The following KDM1B variants were observed in gnomAD, a reference collection of about 807,000 sequenced individuals.
The protein encoded by KDM1B is lysine demethylase 1B.
Under a neutral mutation model 107.4 loss-of-function variants are expected in KDM1B, and 63 were observed. That is an observed-to-expected ratio of 0.59 (90% CI 0.48 to 0.72). The LOEUF (loss-of-function observed/expected upper bound fraction) is 0.72, where lower values mean the gene tolerates loss of function less well. KDM1B is among the 30% of genes least tolerant of loss of function. The pLI is 0.00. For synonymous variants in KDM1B, 363 were observed against 363.9 expected, an observed-to-expected ratio of 1.00 and a Z score of 0.03; for missense variants, 749 against 1,020.8, an observed-to-expected ratio of 0.73 and a Z score of 3.63.
In KDM1B at chr6:18,162,967, C is replaced by A; in HGVS notation, c.305+43C>A. On this transcript the variant is annotated intron_variant, in intron 5 of 21. Transcript: ENST00000650836. This position sits in a 1 kb window ranked among gnomAD's most constrained non-coding sequence, Gnocchi z 4.1. The stretch of plus-strand genomic sequence containing the variant: ...GTGAGGTTTCCCTGGAGAAGGGGAC[C>A]GTGGCAGGGGCAGTGCGTGTGGTCA... The A allele has an allele frequency of 8.3e-7, 1 of 1,210,790 alleles. No homozygotes were observed. Among genetic ancestry groups the A allele is most frequent in the Non-Finnish European group, 1.2e-6 (1 of 812,056 alleles). 75.0% of individuals were successfully genotyped at this position (1,210,790 alleles called of 1,614,324 possible).
intron 7 of KDM1B, among the ~76,000 whole-genome samples, chr6:18,178,897 T>A (rs1222849786): frequency 2.6e-5 from 4 of 152,200 alleles, no homozygotes; most frequent in Admixed American, 2.6e-4. Context: ...CTTCTCAGTC[T>A]TTTTGCCCTT....
At position 18,217,970 on chromosome 6, in the gene KDM1B, C is replaced by G. The variant is rs897853755; in HGVS notation, c.2385+85C>G. On this transcript the variant is annotated intron_variant, in intron 21 of 21. Transcript: ENST00000650836. Reference sequence around the variant, plus strand: ...ATGATATCTGCCCAGAGTTTAAAAACCAATTCAAATACTGTCAAAAGTCTT... The same window carrying G: ...ATGATATCTGCCCAGAGTTTAAAAAGCAATTCAAATACTGTCAAAAGTCTT... 2.1e-6 allele frequency: 3 copies of G among 1,420,248 alleles called. No homozygotes were observed. The African/African-American group carries it at 4.3e-5, about 20-fold the overall frequency. The allele number at this position is 1,420,248 out of a possible 1,614,324, so 88.0% of individuals were successfully genotyped here.
At position 18,201,492 on chromosome 6, in the gene KDM1B, A is replaced by C; in HGVS notation, c.1366A>C (p.Ile456Leu). The C allele has an allele frequency of 1.3e-6, 2 of 1,547,586 alleles. No individual in the cohort carries two copies. Among genetic ancestry groups the C allele is most frequent in the Non-Finnish European group, 1.7e-6 (2 of 1,145,986 alleles). The change falls in exon 14 of 22, where the codon ATC (isoleucine) becomes CTC (leucine). Residue 456 changes from isoleucine (I) to leucine (L), a missense_variant. By Grantham distance (5) the Ile-to-Leu change is conservative (BLOSUM62 2). Coordinates refer to ENST00000650836, the MANE Select transcript of KDM1B (RefSeq NM_001364614.2). This position sits in a 1 kb window ranked among gnomAD's most constrained non-coding sequence, Gnocchi z 4.3. ...TATTCTTATTATTTTGAAGCTTGGCATCAGCATGCATAAATTTGGAGAAAG... is the reference window on the plus strand; with the variant it reads ...TATTCTTATTATTTTGAAGCTTGGCCTCAGCATGCATAAATTTGGAGAAAG... Reference protein sequence around the residue: ...PVALMCEQLGISMHKFGERCD... With the variant: ...PVALMCEQLGLSMHKFGERCD...
chr6:18,214,985 G>A lies in KDM1B; in HGVS notation c.2110-22G>A. The A allele has an allele frequency of 6.2e-7, 1 of 1,612,698 alleles. No homozygotes were observed. The highest frequency in any genetic ancestry group is 8.5e-7 in the Non-Finnish European group (1 of 1,179,360). Reference sequence around the variant, plus strand: ...GGAGCTGAGCACTCACAGACCTCCTGCTTTTCCTTTCATGTCTCCAGAAGA... The same window carrying A: ...GGAGCTGAGCACTCACAGACCTCCTACTTTTCCTTTCATGTCTCCAGAAGA... On this transcript the variant is annotated intron_variant, in intron 19 of 21. Coordinates refer to ENST00000650836, the MANE Select transcript of KDM1B (RefSeq NM_001364614.2). The surrounding 1 kb of genome is among the most constrained non-coding windows in gnomAD (Gnocchi z 4.4).
rs180889491 is a variant in KDM1B, at chr6:18,178,306, G to A, written c.534+6827G>A. On this transcript the variant is annotated intron_variant, in intron 7 of 21. Coordinates refer to ENST00000650836, the MANE Select transcript of KDM1B (RefSeq NM_001364614.2). The stretch of plus-strand genomic sequence containing the variant: ...TCACCACATTGGCCAGGCTGGTCTC[G>A]AACTCCTGAACTCAGGTGATCTGCC... 3.0e-4 allele frequency among the ~76,000 whole-genome samples: 45 copies of A among 152,136 alleles called. No homozygotes were observed. The East Asian group carries it at 7.5e-3, about 25-fold the overall frequency.
Position 18,172,254 on chromosome 6 carries a change from C to T in KDM1B, c.534+775C>T, listed in dbSNP as rs188317537. Among the ~76,000 whole-genome samples the T allele has an allele frequency of 4.6e-5, 7 of 152,142 alleles. No individual in the cohort carries two copies. The highest frequency in any genetic ancestry group is 3.9e-4 in the East Asian group (2 of 5,168). ...AAAACCTATTATTATTGCTTTAGTG[C>T]GTTAAGGGTGTTAGTCTACACAAAT... On this transcript the variant is annotated intron_variant, in intron 7 of 21. Coordinates refer to ENST00000650836, the MANE Select transcript of KDM1B (RefSeq NM_001364614.2). This position sits in a 1 kb window ranked among gnomAD's most constrained non-coding sequence, Gnocchi z 5.2.
Position 18,213,815 on chromosome 6 carries a change from C to A in KDM1B, c.2109+34C>A. 6.2e-7 allele frequency: 1 copy of A among 1,611,674 alleles called. No individual in the cohort carries two copies. Among genetic ancestry groups the A allele is most frequent in the South Asian group, 1.1e-5 (1 of 90,942 alleles). On this transcript the variant is annotated intron_variant, in intron 19 of 21. Transcript: ENST00000650836. The surrounding 1 kb of genome is among the most constrained non-coding windows in gnomAD (Gnocchi z 5.9). ...ATTCGTGAACTGTGGTTTGAATTTCCGTCTTAAAGTTTAGAATTTGATGTG... is the reference window on the plus strand; with the variant it reads ...ATTCGTGAACTGTGGTTTGAATTTCAGTCTTAAAGTTTAGAATTTGATGTG...
intron 7 of KDM1B, among the ~76,000 whole-genome samples, chr6:18,174,194 T>C (rs1029295556): frequency 2.6e-5 from 4 of 152,230 alleles, no homozygotes; most frequent in Non-Finnish European, 2.9e-5. Flanking sequence ...TCATGATTAT[T>C]GTATCTGTAT....
chr6:18,171,269 A>G (rs1286454080), intron 6 of KDM1B, 94 bp from the exon 7 acceptor site: 2 of 766,316 alleles, frequency 2.6e-6, no homozygotes, highest in South Asian at 2.8e-5. Flanking sequence ...TAGGATTGCT[A>G]ACAGGTTGGA....
At chr6:18,210,655 C>T (rs1255434512) in intron 17 of KDM1B, among the ~76,000 whole-genome samples, 1 of 152,024 alleles carries the variant, frequency 6.6e-6, no homozygotes, top group East Asian at 1.9e-4. Context: ...GCCACTGCAC[C>T]TGGGCTACTC....
intron 10 of KDM1B, among the ~76,000 whole-genome samples, chr6:18,193,298 CTTTTTTTTTTTT>C (rs61133563): frequency 2.2e-5 from 2 of 90,080 alleles, no homozygotes; most frequent in Non-Finnish European, 4.4e-5. Flanking sequence ...TGTGTGCTTT[CTTTTTTTTTTTT>C]TTTTTTTTTT....
rs928158977 is a variant in KDM1B at position 18,186,284 on chromosome 6, C to G, written c.573+474C>G. On this transcript the variant is annotated intron_variant, in intron 8 of 21. Transcript: ENST00000650836. This position sits in a 1 kb window ranked among gnomAD's most constrained non-coding sequence, Gnocchi z 5.6. Reference sequence around the variant, plus strand: ...AGATATGGCAGGGGGAGCAGTACTTCCAGCTGGCAAAGCTGGTCACATTTC... The same window carrying G: ...AGATATGGCAGGGGGAGCAGTACTTGCAGCTGGCAAAGCTGGTCACATTTC... Among the ~76,000 whole-genome samples, 2 of 152,156 alleles carry G rather than the reference C, an allele frequency of 1.3e-5. No homozygotes were observed. The highest frequency in any genetic ancestry group is 4.8e-5 in the African/African-American group (2 of 41,426).
At chr6:18,190,186 A>G (rs563297396) in intron 9 of KDM1B, among the ~76,000 whole-genome samples, 19 of 152,134 alleles carry the variant, frequency 1.2e-4, no homozygotes, top group Non-Finnish European at 2.4e-4. Flanking sequence ...ACGTACCTCC[A>G]TGAGGAGTGG....
intron 12 of KDM1B, among the ~76,000 whole-genome samples, chr6:18,198,488 C>CA (rs987655477): frequency 1.3e-5 from 2 of 151,858 alleles, no homozygotes; most frequent in African/African-American, 2.4e-5. Context: ...CTTGGCCTCC[C>CA]AAAGTGCTGG....
chr6:18,195,814 A>C (rs1395944784), intron 10 of KDM1B, among the ~76,000 whole-genome samples: 1 of 151,976 alleles, frequency 6.6e-6, no homozygotes, highest in Non-Finnish European at 1.5e-5. Flanking sequence ...GCCTTACATC[A>C]TATAGTTACC....
chr6:18,203,921 GT>G lies in KDM1B; in HGVS notation c.1532-1611del, dbSNP rs1343226504. On this transcript the variant is annotated intron_variant, in intron 14 of 21. Transcript: ENST00000650836. The surrounding 1 kb of genome is among the most constrained non-coding windows in gnomAD (Gnocchi z 5.5). ...TTTATACACTATCTTAGCAATCTTG[GT>G]TTTTCTCCCCGCCGCCTCCACAAAA... Among the ~76,000 whole-genome samples, 2 of 151,490 alleles carry G rather than the reference GT, an allele frequency of 1.3e-5. No homozygotes were observed. The highest frequency in any genetic ancestry group is 4.9e-5 in the African/African-American group (2 of 41,212).
Position 18,186,688 on chromosome 6 carries a change from C to T in KDM1B, c.573+878C>T, listed in dbSNP as rs1321675772. Among the ~76,000 whole-genome samples, 1 of 152,008 alleles carries T rather than the reference C, an allele frequency of 6.6e-6. No homozygotes were observed. The highest frequency in any genetic ancestry group is 1.5e-5 in the Non-Finnish European group (1 of 68,010). ...TCACAGTTCTGCATGGCTGGGGAGG[C>T]CTCAGGAAACTTAGAATCATGGCAG... On this transcript the variant is annotated intron_variant, in intron 8 of 21. Coordinates refer to ENST00000650836, the MANE Select transcript of KDM1B (RefSeq NM_001364614.2). This position sits in a 1 kb window ranked among gnomAD's most constrained non-coding sequence, Gnocchi z 5.6.
chr6:18,179,838 T>A (rs527979728), intron 7 of KDM1B, among the ~76,000 whole-genome samples: 72,035 of 84,684 alleles, frequency 0.85, 33,486 homozygotes, highest in Non-Finnish European at 0.88. Context: ...AATTTAGCAT[T>A]GGTTTTTTTT....
At chr6:18,194,616 T>G (rs770722744) in intron 10 of KDM1B, among the ~76,000 whole-genome samples, 13 of 152,236 alleles carry the variant, frequency 8.5e-5, no homozygotes, top group Non-Finnish European at 1.9e-4. Context: ...TTTTTTTAAA[T>G]TATTGTGGTT....
Sources: gnomAD v4.1 joint callset for allele counts (sites outside exome capture counted in the v4.1 genomes callset) on GRCh38, gnomAD v4.1.1 for gene constraint, Gnocchi (gnomAD v3.1) non-coding constraint, MANE v1.5 for transcripts, NCBI Gene and HGNC (gene_info 2026-07-23, HGNC 2026-07-21) for gene names.